Variants in SLC35D4 observed in about 807,000 individuals in gnomAD.
SLC35D4 encodes UDP-N-acetylglucosamine transporter SLC35D4.
At chr18:23,311,754 A>C in the SLC35D4 span, among the ~76,000 whole-genome samples, 6 of 152,116 alleles carry the variant, frequency 3.9e-5, no homozygotes, top group African/African-American at 1.4e-4. Flanking sequence ...ATTAATATTT[A>C]GCTGTTTGAA....
chr18:23,289,956 C>T, the SLC35D4 span, among the ~76,000 whole-genome samples: 5 of 152,246 alleles, frequency 3.3e-5, no homozygotes, highest in Admixed American at 2.6e-4. Context: ...ACTCTCTTTT[C>T]GGACTCAGCC....
At chr18:23,247,068 C>T in the SLC35D4 span, among the ~76,000 whole-genome samples, 2 of 152,212 alleles carry the variant, frequency 1.3e-5, no homozygotes, top group Non-Finnish European at 2.9e-5. Flanking sequence ...CAGTCCCACA[C>T]CAGAAAGAAT....
the SLC35D4 span, among the ~76,000 whole-genome samples, chr18:23,320,790 G>C: frequency 6.6e-6 from 1 of 152,294 alleles, no homozygotes; most frequent in Admixed American, 6.5e-5. Flanking sequence ...ATCCACAAAA[G>C]GTCTGCCTTT....
chr18:23,320,564 G>T, the SLC35D4 span, among the ~76,000 whole-genome samples: 5 of 152,258 alleles, frequency 3.3e-5, no homozygotes, highest in African/African-American at 1.2e-4. Context: ...CTGGACATAG[G>T]TATAGAAGAA....
the SLC35D4 span, among the ~76,000 whole-genome samples, chr18:23,280,597 G>A: frequency 1.3e-5 from 2 of 152,156 alleles, no homozygotes; most frequent in East Asian, 3.9e-4. Flanking sequence ...GGGAGAAGAG[G>A]ACAGCTGCCA....
At chr18:23,254,145 T>G in the SLC35D4 span, among the ~76,000 whole-genome samples, 1 of 152,232 alleles carries the variant, frequency 6.6e-6, no homozygotes, top group Non-Finnish European at 1.5e-5. Context: ...CCAAAGCTCC[T>G]CAGCATTGGG....
chr18:23,244,632 G>C, the SLC35D4 span, among the ~76,000 whole-genome samples: 5 of 152,234 alleles, frequency 3.3e-5, no homozygotes, highest in Admixed American at 6.5e-5. Flanking sequence ...AGCTGAGCCC[G>C]AATGCCGGTA....
chr18:23,418,380 A>T, the SLC35D4 span, among the ~76,000 whole-genome samples: 99 of 147,894 alleles, frequency 6.7e-4, no homozygotes, highest in Non-Finnish European at 1.0e-3. Flanking sequence ...TATTATTATT[A>T]TTATTTTTTG....
chr18:23,423,804 G>A, the SLC35D4 span, among the ~76,000 whole-genome samples: 1 of 152,170 alleles, frequency 6.6e-6, no homozygotes, highest in African/African-American at 2.4e-5. Flanking sequence ...GCCCAGAAGT[G>A]AGAACAACAA....
chr18:23,374,975 C>T, the SLC35D4 span, among the ~76,000 whole-genome samples: 36 of 151,860 alleles, frequency 2.4e-4, 1 homozygote, highest in South Asian at 1.7e-3. Context: ...ATTAGCCAGG[C>T]GTGGTGGCAC....
chr18:23,332,730 G>T, the SLC35D4 span, among the ~76,000 whole-genome samples: 13 of 150,682 alleles, frequency 8.6e-5, no homozygotes, highest in African/African-American at 3.2e-4. Flanking sequence ...TATCAGGTCC[G>T]CTGAGATACT....
chr18:23,425,898 C>T, the SLC35D4 span, among the ~76,000 whole-genome samples: 2 of 152,146 alleles, frequency 1.3e-5, no homozygotes, highest in African/African-American at 2.4e-5. Flanking sequence ...TTACATTGCA[C>T]CATACACTAA....
At chr18:23,289,887 C>T in the SLC35D4 span, among the ~76,000 whole-genome samples, 1 of 152,248 alleles carries the variant, frequency 6.6e-6, no homozygotes, top group Non-Finnish European at 1.5e-5. Context: ...AACAACCCCC[C>T]TTTTTCCTTT....
At chr18:23,430,278 T>C in the SLC35D4 span, among the ~76,000 whole-genome samples, 1 of 152,024 alleles carries the variant, frequency 6.6e-6, no homozygotes, top group Admixed American at 6.6e-5. Context: ...CTTGCTATGT[T>C]GCCCAGACTG....
chr18:23,348,056 G>C, the SLC35D4 span, among the ~76,000 whole-genome samples: 7 of 152,098 alleles, frequency 4.6e-5, no homozygotes, highest in Non-Finnish European at 7.4e-5. Context: ...TCATTTGATT[G>C]AAAAATTTTA....
chr18:23,393,783 AATTTTTTGT>A, the SLC35D4 span, among the ~76,000 whole-genome samples: 1 of 152,010 alleles, frequency 6.6e-6, no homozygotes, highest in African/African-American at 2.4e-5. Flanking sequence ...ATGCCCAGAT[AATTTTTTGT>A]ATTTTTAGTA....
chr18:23,357,141 C>T, the SLC35D4 span, among the ~76,000 whole-genome samples: 1 of 152,086 alleles, frequency 6.6e-6, no homozygotes, highest in African/African-American at 2.4e-5. Flanking sequence ...TTTCAAGACT[C>T]TTTTCTTCTT....
At chr18:23,363,576 G>A in the SLC35D4 span, among the ~76,000 whole-genome samples, 3 of 151,426 alleles carry the variant, frequency 2.0e-5, no homozygotes, top group Non-Finnish European at 2.9e-5. Context: ...GGGTTTCACC[G>A]TGTTAGCCAG....
At chr18:23,334,685 T>C in the SLC35D4 span, among the ~76,000 whole-genome samples, 1 of 152,016 alleles carries the variant, frequency 6.6e-6, no homozygotes, top group East Asian at 1.9e-4. Context: ...TAGCGCAAAG[T>C]GCCACCATAG....
Sources: allele counts gnomAD v4.1 joint callset (sites outside exome capture counted in the v4.1 genomes callset), GRCh38; gene constraint gnomAD v4.1.1; transcripts MANE v1.5; gene names NCBI Gene and HGNC (gene_info 2026-07-23, HGNC 2026-07-21).